Variants in GPA33 observed in about 807,000 individuals in gnomAD.
The protein encoded by GPA33 is cell surface A33 antigen.
In GPA33, 27 loss-of-function variants were observed where a neutral mutation model predicts 35.6. The ratio of observed to expected loss-of-function variants is 0.76; its 90% CI spans 0.56 to 1.04. The LOEUF (loss-of-function observed/expected upper bound fraction) is 1.04, where lower values mean the gene tolerates loss of function less well. GPA33 is among the 50% of genes least tolerant of loss of function. The probability of loss-of-function intolerance (pLI) is 0.00; values close to 1 mark genes in which losing one functional copy is unlikely to be tolerated. For synonymous variants in GPA33, 176 were observed against 164.0 expected (o/e 1.07, Z -0.56); for missense variants, 428 against 411.9 (o/e 1.04, Z -0.34).
chr1:167,064,922 C>A (rs72480293), intron 3 of GPA33, among the ~76,000 whole-genome samples: 1 of 152,112 alleles, frequency 6.6e-6, no homozygotes, highest in Non-Finnish European at 1.5e-5. Context: ...AGGCAGAGGG[C>A]GCAGAGGTAA....
intron 4 of GPA33, among the ~76,000 whole-genome samples, chr1:167,056,847 A>AG (rs1558002243): frequency 7.1e-6 from 1 of 140,656 alleles, no homozygotes; most frequent in Admixed American, 7.1e-5. Flanking sequence ...GTGAGTGTGT[A>AG]ATGTGTGTGG....
intron 2 of GPA33, 48 bp from the exon 3 acceptor site, chr1:167,069,186 C>G: frequency 7.4e-7 from 1 of 1,359,248 alleles, no homozygotes; most frequent in Non-Finnish European, 1.0e-6. Flanking sequence ...AGGCCCTTGC[C>G]TGGTGCTTCC....
chr1:167,067,819 T>C (rs1300730306), intron 3 of GPA33, among the ~76,000 whole-genome samples: 2 of 152,190 alleles, frequency 1.3e-5, no homozygotes, highest in Non-Finnish European at 2.9e-5. Flanking sequence ...GTGATCTTTA[T>C]AACATGATTC....
At chr1:167,084,518 G>C (rs1571321002) in intron 1 of GPA33, among the ~76,000 whole-genome samples, 2 of 152,194 alleles carry the variant, frequency 1.3e-5, no homozygotes. Context: ...CTTCTCAATA[G>C]ACTATGGCAG....
intron 2 of GPA33, among the ~76,000 whole-genome samples, chr1:167,070,038 G>A (rs1249169607): frequency 1.3e-5 from 2 of 152,174 alleles, no homozygotes; most frequent in African/African-American, 2.4e-5. Context: ...TTCCAGAGTG[G>A]TAAGTCAGGG....
intron 1 of GPA33, among the ~76,000 whole-genome samples, chr1:167,076,602 G>A (rs916132447): frequency 6.6e-6 from 1 of 152,188 alleles, no homozygotes; most frequent in African/African-American, 2.4e-5. Flanking sequence ...TAAGGTGAAA[G>A]TCAGCCACCC....
intron 1 of GPA33, among the ~76,000 whole-genome samples, chr1:167,081,248 T>C (rs543135104): frequency 6.6e-6 from 1 of 152,356 alleles, no homozygotes; most frequent in African/African-American, 2.4e-5. Flanking sequence ...CTTGGGAAAC[T>C]GGCAGTAATG....
At chr1:167,078,782 T>C (rs1280558142) in intron 1 of GPA33, 2 of 152,238 alleles carry the variant, frequency 1.3e-5, no homozygotes, top group African/African-American at 2.4e-5. Context: ...TTCCTTTCTT[T>C]ACTATACATA....
chr1:167,074,724 G>A (rs1258779480), intron 1 of GPA33, among the ~76,000 whole-genome samples: 5 of 151,734 alleles, frequency 3.3e-5, no homozygotes, highest in African/African-American at 9.7e-5. Flanking sequence ...GGAACAGCAA[G>A]GGAGATTGTG....
chr1:167,076,491 A>C (rs888262072), intron 1 of GPA33, among the ~76,000 whole-genome samples: 7 of 152,210 alleles, frequency 4.6e-5, no homozygotes, highest in African/African-American at 1.7e-4. Flanking sequence ...CTATCCAGGC[A>C]AATTCCAGCT....
At position 167,054,101 on chromosome 1, in the gene GPA33, G is replaced by A. The variant is rs1666174945; in HGVS notation, c.*233C>T. ...TTGAGTGAGGGCCAGGCCCGCACCAGGTGTCACAGCCAGGAGGGGTTACTT... is the reference window on the plus strand; with the variant it reads ...TTGAGTGAGGGCCAGGCCCGCACCAAGTGTCACAGCCAGGAGGGGTTACTT... On this transcript the variant is annotated 3_prime_UTR_variant, in exon 7 of 7. Coordinates refer to ENST00000367868, the MANE Select transcript of GPA33 (RefSeq NM_005814.3). The A allele has an allele frequency of 1.4e-5, 8 of 562,296 alleles. No individual in the cohort carries two copies. In the South Asian group the frequency reaches 1.7e-4, roughly 12 times the overall value. The allele number at this position is 562,296 out of a possible 1,614,324, so 34.8% of individuals were successfully genotyped here.
chr1:167,067,304 A>ATTTG (rs1553243957), intron 3 of GPA33, among the ~76,000 whole-genome samples: 27 of 151,326 alleles, frequency 1.8e-4, no homozygotes, highest in Non-Finnish European at 2.9e-4. Context: ...TTATTTATTT[A>ATTTG]TTTTGTAGAG....
At chr1:167,070,976 G>A (rs1479428946) in intron 2 of GPA33, among the ~76,000 whole-genome samples, 1 of 152,168 alleles carries the variant, frequency 6.6e-6, no homozygotes, top group African/African-American at 2.4e-5. Context: ...TACGTGTGGG[G>A]TATCTGGAGT....
At chr1:167,057,946 C>A (rs1666344774) in intron 4 of GPA33, among the ~76,000 whole-genome samples, 1 of 152,206 alleles carries the variant, frequency 6.6e-6, no homozygotes. Flanking sequence ...CGCCTGTAAT[C>A]CCAGCACCTT....
chr1:167,088,848 G>A (rs1038242919), intron 1 of GPA33, among the ~76,000 whole-genome samples: 41 of 152,168 alleles, frequency 2.7e-4, no homozygotes, highest in African/African-American at 8.9e-4. Context: ...GAGAATCACT[G>A]GCCCAGCCAG....
intron 1 of GPA33, among the ~76,000 whole-genome samples, chr1:167,076,168 T>A (rs971512435): frequency 4.6e-5 from 7 of 152,208 alleles, no homozygotes; most frequent in African/African-American, 1.7e-4. Flanking sequence ...ATGTGTATGA[T>A]GATTTAAAAA....
chr1:167,073,799 C>T (rs79803288), intron 1 of GPA33, among the ~76,000 whole-genome samples: 443 of 152,332 alleles, frequency 2.9e-3, no homozygotes, highest in Admixed American at 5.4e-3. Context: ...AGCCCTACTT[C>T]TTACCAGCTG....
rs201698271 is a variant in GPA33, at chr1:167,055,052, T to C, written c.751A>G (p.Ile251Val). Residue 251 changes from isoleucine (I) to valine (V), a missense_variant, in exon 6 of 7, where the codon ATC becomes GTC. Coordinates refer to ENST00000367868, the MANE Select transcript of GPA33 (RefSeq NM_005814.3). ...IAVGVVAALI[I>V]IGIIIYCCCC... Reference sequence around the variant, plus strand: ...CAGCAGTAGATGATGATGCCAATGATAATGAGGGCTGCAACCACGCCCACC... The same window carrying C: ...CAGCAGTAGATGATGATGCCAATGACAATGAGGGCTGCAACCACGCCCACC... 9.7e-5 allele frequency: 156 copies of C among 1,613,898 alleles called. No homozygotes were observed. In the South Asian group the frequency reaches 1.4e-3, roughly 15 times the overall value.
intron 3 of GPA33, 69 bp downstream of exon 3, chr1:167,068,853 G>T: frequency 2.5e-6 from 3 of 1,198,600 alleles, no homozygotes; most frequent in Non-Finnish European, 3.7e-6. Context: ...CAACACCTGG[G>T]CTCTTCTCCC....
Sources: gnomAD v4.1 joint callset for allele counts (sites outside exome capture counted in the v4.1 genomes callset) on GRCh38, gnomAD v4.1.1 for gene constraint, MANE v1.5 for transcripts, NCBI Gene and HGNC (gene_info 2026-07-23, HGNC 2026-07-21) for gene names.